Variants in LRFN5 observed in about 807,000 individuals in gnomAD.
The protein encoded by LRFN5 is leucine rich repeat and fibronectin type III domain containing 5, also known as leucine-rich repeat and fibronectin type-III domain-containing protein 5.
LRFN5 carries 24 observed loss-of-function variants against 45.6 expected under a neutral mutation model. The ratio of observed to expected loss-of-function variants is 0.53; its 90% CI spans 0.38 to 0.74. The LOEUF is 0.74. Among genes scored for constraint, LRFN5 ranks in the 30% least tolerant of loss-of-function variants. LRFN5 has a pLI of 0.00. For missense variants in LRFN5, 776 were observed against 861.5 expected (o/e 0.90, Z 1.24); for synonymous variants, 340 against 313.8 (o/e 1.08, Z -0.88).
chr14:41,784,633 G>T (rs200662750), intron 2 of LRFN5, among the ~76,000 whole-genome samples: 2 of 10,228 alleles, frequency 2.0e-4, no homozygotes, highest in Admixed American at 1.1e-3. Context: ...GTGTGTGTTT[G>T]TGTGTGTGTG....
At chr14:41,718,592 C>G (rs528446707) in intron 1 of LRFN5, among the ~76,000 whole-genome samples, 56 of 152,256 alleles carry the variant, frequency 3.7e-4, no homozygotes, top group Admixed American at 9.8e-4. Context: ...CTCATGCCAC[C>G]TGCATATGGG....
At chr14:41,760,904 A>T (rs1202184612) in intron 1 of LRFN5, among the ~76,000 whole-genome samples, 2 of 152,126 alleles carry the variant, frequency 1.3e-5, no homozygotes, top group Non-Finnish European at 2.9e-5. Context: ...ATTTGCTATT[A>T]TCCAATAATC....
intron 2 of LRFN5, among the ~76,000 whole-genome samples, chr14:41,805,525 T>G (rs1887492272): frequency 6.6e-6 from 1 of 151,284 alleles, no homozygotes; most frequent in South Asian, 2.1e-4. Flanking sequence ...CATCTAGCAT[T>G]AGGTATATCT....
intron 2 of LRFN5, among the ~76,000 whole-genome samples, chr14:41,815,471 C>G (rs1474215079): frequency 6.6e-6 from 1 of 152,130 alleles, no homozygotes; most frequent in Non-Finnish European, 1.5e-5. Flanking sequence ...CGGTGGCTCA[C>G]TGGAATCTAT....
At chr14:41,893,172 A>C in intron 4 of LRFN5, 1 of 982,720 alleles carries the variant, frequency 1.0e-6, no homozygotes, top group Non-Finnish European at 1.2e-6. Context: ...TCTAACTAGA[A>C]ATCATGCTGC....
intron 2 of LRFN5, among the ~76,000 whole-genome samples, chr14:41,801,842 C>T (rs1440607178): frequency 2.0e-5 from 3 of 152,114 alleles, no homozygotes; most frequent in Non-Finnish European, 4.4e-5. Context: ...AGGGACGAGT[C>T]TCATCTTACT....
chr14:41,848,681 C>T (rs1394207440), intron 2 of LRFN5, among the ~76,000 whole-genome samples: 5 of 151,958 alleles, frequency 3.3e-5, no homozygotes, highest in Middle Eastern at 3.2e-3. Flanking sequence ...GAATTGGAAG[C>T]TTATGAAACC....
Position 41,887,758 on chromosome 14 carries a change from C to G in LRFN5, c.1133C>G (p.Pro378Arg), listed in dbSNP as rs780311233. 3.1e-6 allele frequency: 5 copies of G among 1,613,940 alleles called. No homozygotes were observed. In the Admixed American group the frequency reaches 6.7e-5, roughly 22 times the overall value. Residue 378 changes from proline to arginine, a missense_variant, in exon 3 of 6, where the codon CCT becomes CGT. Physicochemically the swap from Pro to Arg is moderately radical, Grantham distance 103. This residue lies in a region of LRFN5 where 465 missense variants were observed against 456.4 expected (regional missense o/e 1.02). Coordinates refer to ENST00000298119, the MANE Select transcript of LRFN5 (RefSeq NM_152447.5). This position sits in a 1 kb window ranked among gnomAD's most constrained non-coding sequence, Gnocchi z 4.8. The part of the protein sequence containing the change: ...QIVDLHIIKL[P>R]HLLNSTNHIH... ...GTGGATCTTCATATAATTAAGCTCC[C>G]TCACTTACTAAATAGTACAAACCAT...
At chr14:41,698,679 C>T (rs1405857577) in intron 1 of LRFN5, among the ~76,000 whole-genome samples, 1 of 152,026 alleles carries the variant, frequency 6.6e-6, no homozygotes, top group Non-Finnish European at 1.5e-5. Flanking sequence ...AGACTGGATT[C>T]TAGTCTTTGT....
At chr14:41,663,366 A>C (rs1880744119) in intron 1 of LRFN5, among the ~76,000 whole-genome samples, 1 of 152,054 alleles carries the variant, frequency 6.6e-6, no homozygotes, top group Admixed American at 6.6e-5. Flanking sequence ...AGAAGGTCAC[A>C]GCTTAGCAAA....
intron 2 of LRFN5, among the ~76,000 whole-genome samples, chr14:41,780,425 TAA>T (rs1297048088): frequency 6.6e-6 from 1 of 152,082 alleles, no homozygotes; most frequent in Non-Finnish European, 1.5e-5. Flanking sequence ...TTCTCATTAC[TAA>T]ATGTTCCTCT....
intron 1 of LRFN5, among the ~76,000 whole-genome samples, chr14:41,684,384 C>T (rs201345240): frequency 1.3e-5 from 2 of 152,068 alleles, no homozygotes; most frequent in Admixed American, 6.5e-5. Flanking sequence ...AGGAAACTTA[C>T]GATTATGGTG....
At chr14:41,763,921 T>C (rs1334743271) in intron 1 of LRFN5, among the ~76,000 whole-genome samples, 1 of 152,116 alleles carries the variant, frequency 6.6e-6, no homozygotes, top group Non-Finnish European at 1.5e-5. Flanking sequence ...ACATAAACAA[T>C]AACAGTTGCT....
intron 2 of LRFN5, among the ~76,000 whole-genome samples, chr14:41,811,645 A>G (rs570995414): frequency 6.6e-6 from 1 of 152,254 alleles, no homozygotes; most frequent in East Asian, 1.9e-4. Context: ...CATCACACTA[A>G]TGAAAGGAGC....
chr14:41,759,689 G>T (rs1349425162), intron 1 of LRFN5, among the ~76,000 whole-genome samples: 2 of 151,988 alleles, frequency 1.3e-5, no homozygotes, highest in Admixed American at 6.6e-5. Context: ...CCATTGATGT[G>T]GTCTGGTACC....
At chr14:41,670,216 T>C (rs903138939) in intron 1 of LRFN5, among the ~76,000 whole-genome samples, 2 of 122,546 alleles carry the variant, frequency 1.6e-5, no homozygotes, top group Non-Finnish European at 3.4e-5. Context: ...TGTGTGTGTG[T>C]ATATATATGT....
At position 41,682,026 on chromosome 14, in the gene LRFN5, C is replaced by T. The variant is rs183893779; in HGVS notation, c.-197+73464C>T. 2.3e-3 allele frequency among the ~76,000 whole-genome samples: 347 copies of T among 150,524 alleles called. 3 individuals are homozygous for T. The highest frequency in any genetic ancestry group is 7.9e-3 in the African/African-American group (328 of 41,268). ...AGAGACAGGGTTTCACCATATTGTC[C>T]GGGCTGGTCTAGAACTCCTGACCTC... On this transcript the variant is annotated intron_variant, in intron 1 of 5. Coordinates refer to ENST00000298119, the MANE Select transcript of LRFN5 (RefSeq NM_152447.5).
intron 1 of LRFN5, among the ~76,000 whole-genome samples, chr14:41,749,261 T>C: frequency 6.6e-6 from 1 of 152,146 alleles, no homozygotes; most frequent in East Asian, 1.9e-4. Flanking sequence ...TATTGTCTTA[T>C]AAAACTGTAT....
intron 5 of LRFN5, among the ~76,000 whole-genome samples, chr14:41,902,665 G>T (rs1480444516): frequency 6.6e-6 from 1 of 151,708 alleles, no homozygotes; most frequent in East Asian, 1.9e-4. Flanking sequence ...CTAAATTAAA[G>T]TTTGCTATCC....
Sources: gnomAD v4.1 joint callset for allele counts (sites outside exome capture counted in the v4.1 genomes callset) on GRCh38, gnomAD v4.1.1 for gene constraint, gnomAD v4.1.1 regional missense constraint, Gnocchi (gnomAD v3.1) non-coding constraint, MANE v1.5 for transcripts, NCBI Gene and HGNC (gene_info 2026-07-23, HGNC 2026-07-21) for gene names.